Variants in KIAA0825 observed in about 807,000 individuals in gnomAD.
KIAA0825 encodes uncharacterized protein KIAA0825.
In KIAA0825, 119 loss-of-function variants were observed where a neutral mutation model predicts 147.6. The observed-to-expected ratio is 0.81, with a 90% CI of 0.69 to 0.94. The LOEUF (loss-of-function observed/expected upper bound fraction) is 0.94. Among genes scored for constraint, KIAA0825 ranks in the 40% least tolerant of loss-of-function variants. The pLI is 0.00. For missense variants in KIAA0825, 1,381 were observed against 1,472.7 expected (o/e 0.94, Z 1.02); for synonymous variants, 470 against 518.1 (o/e 0.91, Z 1.26).
chr5:94,452,860 G>C (rs1758592021), intron 13 of KIAA0825, 99 bp downstream of exon 13: 1 of 589,200 alleles, frequency 1.7e-6, no homozygotes, highest in East Asian at 3.5e-5. Flanking sequence ...AGTTCTTTTT[G>C]TAAGATATAA....
At chr5:94,312,934 G>A (rs967264756) in intron 20 of KIAA0825, among the ~76,000 whole-genome samples, 5 of 151,416 alleles carry the variant, frequency 3.3e-5, no homozygotes, top group South Asian at 4.1e-4. Context: ...TGAAGGACAC[G>A]AATCAAAATT....
intron 2 of KIAA0825, among the ~76,000 whole-genome samples, chr5:94,549,700 G>C (rs935053251): frequency 3.9e-5 from 6 of 152,144 alleles, no homozygotes; most frequent in Admixed American, 1.3e-4. Flanking sequence ...CTGGGCCACA[G>C]AGTGAGACTC....
At chr5:94,196,173 A>T (rs2150011139) in intron 20 of KIAA0825, among the ~76,000 whole-genome samples, 1 of 152,272 alleles carries the variant, frequency 6.6e-6, no homozygotes, top group Non-Finnish European at 1.5e-5. Context: ...TTCCTTAGGG[A>T]ATGAAGCTTC....
At position 94,497,999 on chromosome 5, in the gene KIAA0825, AGT is replaced by A. The variant is rs1206007339; in HGVS notation, c.971-13071_971-13070del. On this transcript the variant is annotated intron_variant, in intron 5 of 20. Transcript: ENST00000682413. The stretch of plus-strand genomic sequence containing the variant: ...AAAATTCACACTAGAATTTCCAGGC[AGT>A]GGGGTGGGGGAAATATTCTTCTAGG... 5.9e-5 allele frequency among the ~76,000 whole-genome samples: 9 copies of A among 152,282 alleles called. No homozygotes were observed. In the East Asian group the frequency reaches 1.4e-3, roughly 23 times the overall value.
chr5:94,364,822 C>A (rs180983283), intron 20 of KIAA0825, among the ~76,000 whole-genome samples: 1 of 152,260 alleles, frequency 6.6e-6, no homozygotes, highest in East Asian at 1.9e-4. Context: ...GCCCCCAAAT[C>A]ATTTTCTTTT....
chr5:94,238,021 A>C (rs888182976), intron 20 of KIAA0825, among the ~76,000 whole-genome samples: 2 of 152,178 alleles, frequency 1.3e-5, no homozygotes, highest in African/African-American at 4.8e-5. Flanking sequence ...AGATTTGTAC[A>C]TTTCATGACA....
intron 1 of KIAA0825, among the ~76,000 whole-genome samples, chr5:94,588,346 GA>G: frequency 6.6e-6 from 1 of 151,966 alleles, no homozygotes; most frequent in East Asian, 1.9e-4. Context: ...AAATTTACAA[GA>G]AAAAAAGTCC....
chr5:94,350,284 A>G (rs1440774527), intron 20 of KIAA0825, among the ~76,000 whole-genome samples: 1 of 152,168 alleles, frequency 6.6e-6, no homozygotes, highest in African/African-American at 2.4e-5. Context: ...TGAAATAGTA[A>G]TTTAAAAATT....
chr5:94,258,605 A>G (rs992798040), intron 20 of KIAA0825, among the ~76,000 whole-genome samples: 1 of 152,050 alleles, frequency 6.6e-6, no homozygotes, highest in African/African-American at 2.4e-5. Flanking sequence ...TATAGAAGTA[A>G]ATGCAATTTT....
At chr5:94,504,905 A>G (rs968822463) in intron 5 of KIAA0825, among the ~76,000 whole-genome samples, 1 of 151,384 alleles carries the variant, frequency 6.6e-6, no homozygotes, top group Admixed American at 6.6e-5. Context: ...ATGCCACCAT[A>G]CCTGGCTAAT....
At chr5:94,508,864 T>C (rs1766105968) in intron 5 of KIAA0825, among the ~76,000 whole-genome samples, 1 of 152,230 alleles carries the variant, frequency 6.6e-6, no homozygotes, top group African/African-American at 2.4e-5. Context: ...GGGAATTGCA[T>C]GTGTCTGACA....
In KIAA0825 at chr5:94,535,493, C is replaced by CAA. The variant is rs11362220; in HGVS notation, c.131+1501_131+1502dup. On this transcript the variant is annotated intron_variant, in intron 3 of 20. Coordinates refer to ENST00000682413, the MANE Select transcript of KIAA0825 (RefSeq NM_001145678.3). The stretch of plus-strand genomic sequence containing the variant: ...CCATTGTACTCCAGCCTGGGTGACT[C>CAA]AAAAAAAAAAAAAAAAAAAAAAAAA... Among the ~76,000 whole-genome samples the CAA allele has an allele frequency of 3.2e-3, 104 of 32,122 alleles. 8 individuals carry two copies. The East Asian group carries it at 0.083, about 26-fold the overall frequency. The allele number at this position is 32,122 out of a possible 152,430, so 21.1% of individuals were successfully genotyped here.
intron 13 of KIAA0825, 88 bp from the exon 14 acceptor site, chr5:94,440,209 C>T: frequency 8.0e-7 from 1 of 1,255,100 alleles, no homozygotes; most frequent in Non-Finnish European, 1.1e-6. Context: ...ATGCTAACTC[C>T]TTTAAATGTC....
intron 5 of KIAA0825, among the ~76,000 whole-genome samples, chr5:94,518,429 T>C (rs1767595819): frequency 6.6e-6 from 1 of 152,120 alleles, no homozygotes; most frequent in Non-Finnish European, 1.5e-5. Context: ...ACTTGAACAG[T>C]GCTGTTTGAA....
Position 94,417,221 on chromosome 5 carries a change from TC to T in KIAA0825, c.2641del (p.Asp881ThrfsTer16). On this transcript the variant is annotated frameshift_variant, in exon 15 of 21. Transcript: ENST00000682413. LOFTEE classifies it high-confidence loss of function. ...CATACCTGGGATGTTATATAAAAAG[TC>T]CCATAATTGCTCTTCTTCCATGTAG... ...VSYMEEEQLW[D>X]FLYNIPVSTC... 1 of 1,550,880 alleles carries T rather than the reference TC, an allele frequency of 6.4e-7. No individual in the cohort carries two copies. The highest frequency in any genetic ancestry group is 8.7e-7 in the Non-Finnish European group (1 of 1,146,470).
chr5:94,391,817 G>A (rs998073020), intron 17 of KIAA0825, 123 bp from the exon 18 acceptor site: 11 of 817,300 alleles, frequency 1.3e-5, no homozygotes, highest in Admixed American at 3.3e-5. Flanking sequence ...TAAAGACTAC[G>A]CTGAAATAGG....
Position 94,154,006 on chromosome 5 carries a change from A to T in KIAA0825, c.*1T>A. On this transcript the variant is annotated 3_prime_UTR_variant, in exon 21 of 21. Coordinates refer to ENST00000682413, the MANE Select transcript of KIAA0825 (RefSeq NM_001145678.3). The stretch of plus-strand genomic sequence containing the variant: ...ATAAAGCTGTTGCTGTTTTCTGCAG[A>T]TTACTGTTCCTCTATGTTATCTGAG... 1.3e-6 allele frequency: 2 copies of T among 1,545,480 alleles called. No individual in the cohort carries two copies. Among genetic ancestry groups the T allele is most frequent in the Non-Finnish European group, 1.8e-6 (2 of 1,141,354 alleles).
chr5:94,574,118 G>A (rs1780504229), intron 2 of KIAA0825, among the ~76,000 whole-genome samples: 1 of 152,154 alleles, frequency 6.6e-6, no homozygotes, highest in African/African-American at 2.4e-5. Context: ...GAAGGCAAAG[G>A]ATTTCCTAAA....
At chr5:94,415,995 C>A (rs1224000595) in intron 15 of KIAA0825, 3 of 152,120 alleles carry the variant, frequency 2.0e-5, no homozygotes, top group African/African-American at 7.2e-5. Context: ...CTAAAATCAG[C>A]AGAGGGTGGC....
Sources: allele counts gnomAD v4.1 joint callset (sites outside exome capture counted in the v4.1 genomes callset), GRCh38; gene constraint gnomAD v4.1.1; transcripts MANE v1.5; gene names NCBI Gene and HGNC (gene_info 2026-07-23, HGNC 2026-07-21).